Variants in CAGE1 observed in about 807,000 individuals in gnomAD.
CAGE1 encodes cancer antigen 1, also known as cancer-associated gene 1 protein.
In CAGE1, 66 loss-of-function variants were observed where a neutral mutation model predicts 94.9. The ratio of observed to expected loss-of-function variants is 0.70; its 90% CI spans 0.57 to 0.85. CAGE1 has a LOEUF of 0.85. Among genes scored for constraint, CAGE1 ranks in the 40% least tolerant of loss-of-function variants. The pLI, the probability that CAGE1 is intolerant of heterozygous loss-of-function variation, is 0.00. For missense variants in CAGE1, 865 were observed against 950.4 expected, an observed-to-expected ratio of 0.91 and a Z score of 1.18; for synonymous variants, 319 against 321.0, an observed-to-expected ratio of 0.99 and a Z score of 0.07.
chr6:7,352,216 A>G (rs777352800), intron 11 of CAGE1, among the ~76,000 whole-genome samples: 20 of 150,518 alleles, frequency 1.3e-4, no homozygotes, highest in Non-Finnish European at 2.7e-4. Flanking sequence ...TACACAAATC[A>G]GTAGCTCTTC....
chr6:7,374,385 T>C (rs1760663957), intron 4 of CAGE1, among the ~76,000 whole-genome samples: 1 of 152,218 alleles, frequency 6.6e-6, no homozygotes, highest in African/African-American at 2.4e-5. Flanking sequence ...CAGATATACA[T>C]CCCATTTACT....
chr6:7,358,027 G>GATAT (rs55850429), intron 9 of CAGE1, among the ~76,000 whole-genome samples: 993 of 47,640 alleles, frequency 0.021, 35 homozygotes, highest in Non-Finnish European at 0.027. Flanking sequence ...TAAGTTTTGA[G>GATAT]ATATATATAT....
At chr6:7,357,456 TC>T (rs1444595544) in intron 9 of CAGE1, among the ~76,000 whole-genome samples, 2 of 152,212 alleles carry the variant, frequency 1.3e-5, no homozygotes, top group African/African-American at 4.8e-5. Flanking sequence ...TTTCTCTTTT[TC>T]ATTATAGATT....
In CAGE1 at chr6:7,378,713, AC is replaced by A. The variant is rs1272007415; in HGVS notation, c.590del (p.Ser197MetfsTer5). ...TTTCTGTAAATTTCAGCATCTCTCC[AC>A]TGCAGTGGATTAGAGGCGGGCTTCT... ...PPRSPPLIHC[S>X]GEMLKFTEKS... On this transcript the variant is annotated frameshift_variant, in exon 4 of 14. Coordinates refer to ENST00000502583, the MANE Select transcript of CAGE1 (RefSeq NM_001170692.2). LOFTEE classifies it high-confidence loss of function. 4.3e-6 allele frequency: 7 copies of A among 1,613,880 alleles called. No homozygotes were observed. In the South Asian group the frequency reaches 7.7e-5, roughly 18 times the overall value.
At chr6:7,385,036 G>A (rs544607509) in intron 3 of CAGE1, among the ~76,000 whole-genome samples, 13 of 150,990 alleles carry the variant, frequency 8.6e-5, no homozygotes, top group Non-Finnish European at 1.3e-4. Context: ...ATGGAGTTTC[G>A]CTCTTGTTGC....
In CAGE1 at chr6:7,362,333, C is replaced by T. The variant is rs1760192763; in HGVS notation, c.2193+3135G>A. Among the ~76,000 whole-genome samples the T allele has an allele frequency of 6.6e-6, 1 of 152,186 alleles. No homozygotes were observed. The highest frequency in any genetic ancestry group is 2.4e-5 in the African/African-American group (1 of 41,456). ...GAAGATGGGATCTAGGAGGAACTTA[C>T]TATGAGCCTCTTTGAACTCTGAACA... On this transcript the variant is annotated intron_variant, in intron 9 of 13. Transcript: ENST00000502583. This position sits in a 1 kb window ranked among gnomAD's most constrained non-coding sequence, Gnocchi z 4.1.
intron 11 of CAGE1, among the ~76,000 whole-genome samples, chr6:7,350,381 G>A (rs1340396423): frequency 6.6e-6 from 1 of 152,110 alleles, no homozygotes; most frequent in Non-Finnish European, 1.5e-5. Context: ...AGAAACAATG[G>A]AGTTAAACGA....
In CAGE1 at chr6:7,373,113, T is replaced by A. The variant is rs758099581; in HGVS notation, c.1706A>T (p.Lys569Met). 2.0e-5 allele frequency: 33 copies of A among 1,611,946 alleles called. No homozygotes were observed. The highest frequency in any genetic ancestry group is 2.8e-5 in the Non-Finnish European group (33 of 1,179,218). The change falls in exon 5 of 14, where the codon AAG (lysine) becomes ATG (methionine). Residue 569 changes from lysine to methionine, a missense_variant. By Grantham distance (95) the Lys-to-Met change is moderately conservative (BLOSUM62 -1). Transcript: ENST00000502583. ...YVPKFETAQL[K>M]DQLEEVLKSD... ...CTTCAAGACTTCCTCTAATTGATCC[T>A]TTAACTGAGCTGTCTCAAATTTAGG... is the stretch of plus-strand genomic sequence containing the variant.
At chr6:7,386,554 G>A (rs1365796997) in intron 2 of CAGE1, among the ~76,000 whole-genome samples, 10 of 152,242 alleles carry the variant, frequency 6.6e-5, no homozygotes, top group Admixed American at 5.2e-4. Flanking sequence ...AATTGGTCAC[G>A]TCCCCTGGCT....
intron 3 of CAGE1, among the ~76,000 whole-genome samples, chr6:7,383,185 C>T (rs1306686042): frequency 6.6e-6 from 1 of 152,164 alleles, no homozygotes; most frequent in Non-Finnish European, 1.5e-5. Context: ...TTGTCTTGTG[C>T]CGTGATTCTG....
At chr6:7,369,558 T>C (rs1464317819) in intron 6 of CAGE1, among the ~76,000 whole-genome samples, 2 of 152,198 alleles carry the variant, frequency 1.3e-5, no homozygotes, top group African/African-American at 2.4e-5. Flanking sequence ...TATTTTAGAT[T>C]GGGCAAACAG....
chr6:7,329,089 A>C, intron 13 of CAGE1: 2 of 286,772 alleles, frequency 7.0e-6, no homozygotes, highest in East Asian at 1.0e-4. Flanking sequence ...GCACCACAAC[A>C]TCTGGCTAAT....
chr6:7,329,628 G>A (rs2113336529), intron 13 of CAGE1, among the ~76,000 whole-genome samples: 1 of 152,314 alleles, frequency 6.6e-6, no homozygotes, highest in East Asian at 1.9e-4. Flanking sequence ...AGGAGTAGCA[G>A]TGGGGATGGT....
At chr6:7,328,905 TG>T (rs1160253598) in intron 13 of CAGE1, among the ~76,000 whole-genome samples, 4 of 94,312 alleles carry the variant, frequency 4.2e-5, no homozygotes, top group Admixed American at 4.1e-4. Flanking sequence ...TGTGTGTGTG[TG>T]TGTGTGTGTG....
chr6:7,373,145 A>G lies in CAGE1; in HGVS notation c.1674T>C (p.Asn558=), dbSNP rs1378208947. The G allele has an allele frequency of 6.2e-7, 1 of 1,613,520 alleles. No individual in the cohort carries two copies. Among genetic ancestry groups the G allele is most frequent in the Non-Finnish European group, 8.5e-7 (1 of 1,179,798 alleles). The change falls in exon 5 of 14, where the codon AAT becomes AAC. Residue 558 remains asparagine, a synonymous_variant. Coordinates refer to ENST00000502583, the MANE Select transcript of CAGE1 (RefSeq NM_001170692.2). ...GAGCTGTCTCAAATTTAGGGACATA[A>G]TTTTGCTCTTCACTCCTTGCAACCT... The part of the protein sequence containing the change: ...KQQVARSEEQ[N]YVPKFETAQL...
chr6:7,345,060 G>T (rs1355237184), intron 11 of CAGE1, among the ~76,000 whole-genome samples: 1 of 151,914 alleles, frequency 6.6e-6, no homozygotes, highest in African/African-American at 2.4e-5. Context: ...CAGATGGCTG[G>T]TGTTGAAAGC....
chr6:7,379,513 G>A (rs1234649476), intron 3 of CAGE1, among the ~76,000 whole-genome samples: 1 of 152,252 alleles, frequency 6.6e-6, no homozygotes, highest in African/African-American at 2.4e-5. Context: ...CTGCTAAGCA[G>A]TGCTGCTGAG....
intron 13 of CAGE1, among the ~76,000 whole-genome samples, chr6:7,328,209 C>T (rs1471165598): frequency 2.6e-5 from 4 of 152,146 alleles, no homozygotes; most frequent in Non-Finnish European, 1.5e-5. Context: ...AACATTCACT[C>T]CTATTTAGTA....
intron 4 of CAGE1, among the ~76,000 whole-genome samples, chr6:7,376,433 T>TAAATAAATAAATAAAA (rs1489964752): frequency 6.9e-6 from 1 of 144,626 alleles, no homozygotes; most frequent in Non-Finnish European, 1.5e-5. Flanking sequence ...AATAAATAAA[T>TAAATAAATAAATAAAA]AAAATAAAAG....
Sources: allele counts gnomAD v4.1 joint callset (sites outside exome capture counted in the v4.1 genomes callset), GRCh38; gene constraint gnomAD v4.1.1; non-coding constraint Gnocchi (gnomAD v3.1); transcripts MANE v1.5; gene names NCBI Gene and HGNC (gene_info 2026-07-23, HGNC 2026-07-21).